Variants in NEK7 observed in about 807,000 individuals in gnomAD.
NEK7 encodes the protein serine/threonine-protein kinase Nek7.
A neutral mutation model predicts 44.6 loss-of-function variants in NEK7; 18 were observed. That is an observed-to-expected ratio of 0.40 (90% CI 0.28 to 0.60). The LOEUF (loss-of-function observed/expected upper bound fraction) is 0.60. NEK7 is among the 20% of genes least tolerant of loss of function. The pLI, the probability that NEK7 is intolerant of heterozygous loss-of-function variation, is 0.38. For synonymous variants in NEK7, 130 were observed against 121.1 expected (o/e 1.07, Z -0.48); for missense variants, 256 against 366.5 (o/e 0.70, Z 2.46).
intron 2 of NEK7, among the ~76,000 whole-genome samples, chr1:198,236,389 G>A (rs1666545813): frequency 1.4e-5 from 1 of 69,466 alleles, no homozygotes; most frequent in Non-Finnish European, 2.6e-5. Flanking sequence ...TACAGAAAGA[G>A]CAGTAGCTTT....
chr1:198,285,480 A>G (rs1172562878), intron 7 of NEK7, among the ~76,000 whole-genome samples: 1 of 152,202 alleles, frequency 6.6e-6, no homozygotes, highest in Non-Finnish European at 1.5e-5. Context: ...AAGGTAGCTG[A>G]CGTCCCTTCA....
At chr1:198,306,685 A>C (rs1049157866) in intron 9 of NEK7, among the ~76,000 whole-genome samples, 2 of 152,182 alleles carry the variant, frequency 1.3e-5, no homozygotes, top group African/African-American at 4.8e-5. Context: ...GAGACTATTC[A>C]TGGATCCATA....
At chr1:198,258,041 G>A (rs768754552) in intron 3 of NEK7, among the ~76,000 whole-genome samples, 2 of 152,210 alleles carry the variant, frequency 1.3e-5, no homozygotes, top group Admixed American at 6.5e-5. Context: ...TAGAGGAGGA[G>A]AGCATTTTAG....
intron 1 of NEK7, among the ~76,000 whole-genome samples, chr1:198,174,164 C>T (rs1323517468): frequency 3.3e-5 from 5 of 152,208 alleles, no homozygotes; most frequent in Non-Finnish European, 5.9e-5. Flanking sequence ...AAATATATAA[C>T]CAATTAAATT....
At chr1:198,230,935 C>T (rs1277040037) in intron 1 of NEK7, among the ~76,000 whole-genome samples, 1 of 151,870 alleles carries the variant, frequency 6.6e-6, no homozygotes, top group Non-Finnish European at 1.5e-5. Context: ...AGTCTGTGTT[C>T]ATGGGTTTGA....
At chr1:198,227,860 C>G (rs1666273824) in intron 1 of NEK7, among the ~76,000 whole-genome samples, 1 of 152,110 alleles carries the variant, frequency 6.6e-6, no homozygotes, top group African/African-American at 2.4e-5. Flanking sequence ...TGTGCAGAAG[C>G]TCTTTAGTTG....
At chr1:198,206,477 T>C (rs1263958985) in intron 1 of NEK7, among the ~76,000 whole-genome samples, 1 of 152,110 alleles carries the variant, frequency 6.6e-6, no homozygotes, top group Non-Finnish European at 1.5e-5. Context: ...AGAACCAAAA[T>C]AAAAAATATT....
At chr1:198,305,020 A>G (rs1475616237) in intron 9 of NEK7, among the ~76,000 whole-genome samples, 13 of 152,308 alleles carry the variant, frequency 8.5e-5, no homozygotes, top group Admixed American at 7.2e-4. Flanking sequence ...AACAATTTTT[A>G]TAAAAGCAAC....
Position 198,316,661 on chromosome 1 carries a change from T to TC in NEK7, c.799-2749dup, listed in dbSNP as rs145742564. 1.1e-3 allele frequency among the ~76,000 whole-genome samples: 173 copies of TC among 152,360 alleles called. 1 individual carries two copies. The highest frequency in any genetic ancestry group is 4.0e-3 in the African/African-American group (165 of 41,592). On this transcript the variant is annotated intron_variant, in intron 9 of 9. Coordinates refer to ENST00000367385, the MANE Select transcript of NEK7 (RefSeq NM_133494.3). ...ATTTGTTTCTTTGTTCTGTCTATCT[T>TC]CCGCTAGATTGTAGGCTGTTTAAGG...
chr1:198,288,920 G>A (rs6689484), intron 7 of NEK7, among the ~76,000 whole-genome samples: 1,992 of 152,136 alleles, frequency 0.013, 37 homozygotes, highest in African/African-American at 0.045. Context: ...AAATGTTATC[G>A]GTTGCACTTC....
At chr1:198,166,407 G>A (rs1005151748) in intron 1 of NEK7, among the ~76,000 whole-genome samples, 7 of 152,190 alleles carry the variant, frequency 4.6e-5, no homozygotes, top group African/African-American at 1.7e-4. Context: ...TGGCTCCAGA[G>A]GCCTAGCTTC....
At chr1:198,196,823 A>G (rs1665252108) in intron 1 of NEK7, among the ~76,000 whole-genome samples, 1 of 152,192 alleles carries the variant, frequency 6.6e-6, no homozygotes, top group Admixed American at 6.5e-5. Flanking sequence ...TTAGCTTTTT[A>G]GCGGCTGAGG....
chr1:198,247,134 A>G (rs1029758695), intron 2 of NEK7, among the ~76,000 whole-genome samples: 2 of 152,242 alleles, frequency 1.3e-5, no homozygotes, highest in Non-Finnish European at 2.9e-5. Flanking sequence ...CTATGAAAAG[A>G]AATCCATTTA....
chr1:198,171,710 T>A (rs1468213262), intron 1 of NEK7, among the ~76,000 whole-genome samples: 8 of 152,124 alleles, frequency 5.3e-5, no homozygotes, highest in Non-Finnish European at 1.0e-4. Flanking sequence ...CCTTTATGAT[T>A]TTGGCCTTGG....
At chr1:198,217,958 C>T (rs933094976) in intron 1 of NEK7, among the ~76,000 whole-genome samples, 3 of 151,846 alleles carry the variant, frequency 2.0e-5, no homozygotes, top group Non-Finnish European at 2.9e-5. Context: ...AAATACATCC[C>T]ATGCTCAGGG....
At chr1:198,174,731 A>G (rs148617895) in intron 1 of NEK7, among the ~76,000 whole-genome samples, 2 of 151,660 alleles carry the variant, frequency 1.3e-5, no homozygotes, top group East Asian at 3.9e-4. Context: ...ATAGGAAAGC[A>G]TTGTGTTTTT....
intron 7 of NEK7, among the ~76,000 whole-genome samples, chr1:198,283,881 T>C (rs1204457995): frequency 1.3e-5 from 2 of 152,142 alleles, no homozygotes; most frequent in African/African-American, 4.8e-5. Flanking sequence ...TAATGGGTTG[T>C]ATGACCCACA....
chr1:198,164,741 G>A (rs1018903715), intron 1 of NEK7, among the ~76,000 whole-genome samples: 3 of 152,154 alleles, frequency 2.0e-5, no homozygotes, highest in South Asian at 2.1e-4. Context: ...TTACGGTGAC[G>A]GTCACTGAAG....
intron 1 of NEK7, among the ~76,000 whole-genome samples, chr1:198,212,478 T>C (rs564961988): frequency 7.2e-4 from 110 of 152,266 alleles, no homozygotes; most frequent in Non-Finnish European, 1.4e-3. Context: ...CCAATGGGGA[T>C]TCTTTTGTGC....
Sources: gnomAD v4.1 joint callset for allele counts (sites outside exome capture counted in the v4.1 genomes callset) on GRCh38, gnomAD v4.1.1 for gene constraint, MANE v1.5 for transcripts, NCBI Gene and HGNC (gene_info 2026-07-23, HGNC 2026-07-21) for gene names.